Variants in TTF2 observed in about 807,000 individuals in gnomAD.
TTF2 encodes the protein RNA polymerase II termination factor.
TTF2 carries 108 observed loss-of-function variants against 142.4 expected under a neutral mutation model. The observed-to-expected ratio is 0.76, with a 90% CI of 0.65 to 0.89. The LOEUF is 0.89. TTF2 is among the 40% of genes least tolerant of loss of function. The probability of loss-of-function intolerance (pLI) is 0.00; values close to 1 mark genes in which losing one functional copy is unlikely to be tolerated. For synonymous variants in TTF2, 483 were observed against 506.2 expected (o/e 0.95, Z 0.61); for missense variants, 1,327 against 1,379.8 (o/e 0.96, Z 0.61).
At position 117,096,294 on chromosome 1, in the gene TTF2, C is replaced by T. The variant is rs1307850989; in HGVS notation, c.3181C>T (p.Pro1061Ser). ...LVEAFNHSRG[P>S]QVMLISLLAG... Reference sequence around the variant, plus strand: ...AGAGGCATTTAACCACTCCAGAGGCCCTCAGGTACAAGCTGGTCACATCAG... The same window carrying T: ...AGAGGCATTTAACCACTCCAGAGGCTCTCAGGTACAAGCTGGTCACATCAG... The change falls in exon 20 of 23, where the codon CCT (proline) becomes TCT (serine). Residue 1061 changes from proline to serine, a missense_variant. Physicochemically the swap from Pro to Ser is moderately conservative, Grantham distance 74. Transcript: ENST00000369466. 1 of 1,613,834 alleles carries T rather than the reference C, an allele frequency of 6.2e-7. No individual in the cohort carries two copies. The highest frequency in any genetic ancestry group is 2.2e-5 in the East Asian group (1 of 44,892).
intron 2 of TTF2, among the ~76,000 whole-genome samples, chr1:117,061,758 C>T (rs188981898): frequency 6.6e-6 from 1 of 152,304 alleles, no homozygotes; most frequent in East Asian, 1.9e-4. Flanking sequence ...CAAACTAGCA[C>T]AGTGGTATTT....
Position 117,087,946 on chromosome 1 carries a change from A to G in TTF2, c.2161-855A>G, listed in dbSNP as rs942080205. Among the ~76,000 whole-genome samples, 1 of 152,196 alleles carries G rather than the reference A, an allele frequency of 6.6e-6. No homozygotes were observed. Among genetic ancestry groups the G allele is most frequent in the African/African-American group, 2.4e-5 (1 of 41,456 alleles). ...ACTATGGGTCAGGTGCTGTTTCGTC[A>G]AGAGCAGCCAGATTCCCACTTCAGG... On this transcript the variant is annotated intron_variant, in intron 12 of 22. Coordinates refer to ENST00000369466, the MANE Select transcript of TTF2 (RefSeq NM_003594.4). This position sits in a 1 kb window ranked among gnomAD's most constrained non-coding sequence, Gnocchi z 4.8.
Position 117,092,542 on chromosome 1 carries a change from T to C in TTF2, c.2806-189T>C, listed in dbSNP as rs1648681904. 6.6e-6 allele frequency among the ~76,000 whole-genome samples: 1 copy of C among 152,254 alleles called. No individual in the cohort carries two copies. The highest frequency in any genetic ancestry group is 1.5e-5 in the Non-Finnish European group (1 of 68,040). ...CAAGTCTTTAAAAAGTTCCATCATTTGGTTTATCTTTAATGTGGTGAAAAA... is the reference window on the plus strand; with the variant it reads ...CAAGTCTTTAAAAAGTTCCATCATTCGGTTTATCTTTAATGTGGTGAAAAA... On this transcript the variant is annotated intron_variant, in intron 17 of 22. Transcript: ENST00000369466. This position sits in a 1 kb window ranked among gnomAD's most constrained non-coding sequence, Gnocchi z 4.4.
intron 17 of TTF2, 43 bp downstream of exon 17, chr1:117,091,993 G>T: frequency 6.5e-7 from 1 of 1,548,690 alleles, no homozygotes. Flanking sequence ...TGCTCCAGAG[G>T]GGCCACCTGA....
chr1:117,104,571 T>G lies in TTF2; in HGVS notation c.*3047T>G, dbSNP rs1424211870. 1.3e-5 allele frequency: 2 copies of G among 152,232 alleles called. No homozygotes were observed. Among genetic ancestry groups the G allele is most frequent in the African/African-American group, 4.8e-5 (2 of 41,454 alleles). The allele number at this position is 152,232 out of a possible 1,614,324, so 9.4% of individuals were successfully genotyped here. On this transcript the variant is annotated 3_prime_UTR_variant, in exon 23 of 23. Coordinates refer to ENST00000369466, the MANE Select transcript of TTF2 (RefSeq NM_003594.4). ...AAAACAGCTTTTCTAATTTCTCATG[T>G]TATTGTACATAAGCAAAGCAACCTA...
rs145988111 is a variant in TTF2 at position 117,092,887 on chromosome 1, C to A, written c.2962C>A (p.Arg988=). 5 of 1,614,036 alleles carry A rather than the reference C, an allele frequency of 3.1e-6. No individual in the cohort carries two copies. Among genetic ancestry groups the A allele is most frequent in the Non-Finnish European group, 4.2e-6 (5 of 1,180,034 alleles). ...CAAGATGGAGCTTTTTGAAGGCATG[C>A]GAGAGAGCACCAAGGTACTTTTTGT... ...FFKMELFEGM[R]ESTKISSLLA... Residue 988 remains arginine, a synonymous_variant, in exon 18 of 23, where the codon CGA becomes AGA. Transcript: ENST00000369466. The surrounding 1 kb of genome is among the most constrained non-coding windows in gnomAD (Gnocchi z 4.4).
chr1:117,097,800 A>G lies in TTF2; in HGVS notation c.3269+367A>G, dbSNP rs1256123535. Among the ~76,000 whole-genome samples the G allele has an allele frequency of 6.6e-6, 1 of 152,196 alleles. No homozygotes were observed. Among genetic ancestry groups the G allele is most frequent in the Non-Finnish European group, 1.5e-5 (1 of 68,026 alleles). On this transcript the variant is annotated intron_variant, in intron 21 of 22. Transcript: ENST00000369466. This position sits in a 1 kb window ranked among gnomAD's most constrained non-coding sequence, Gnocchi z 4.1. ...GACACACTTGTTGGGGTCCAAGGAA[A>G]TTTCAACCTTTGAAAAGAGGGAGAA...
intron 3 of TTF2, among the ~76,000 whole-genome samples, chr1:117,068,543 T>C (rs1405489444): frequency 1.7e-5 from 2 of 114,634 alleles, no homozygotes; most frequent in Non-Finnish European, 3.9e-5. Context: ...TAAAGTGTAA[T>C]AAAAAAAAAA....
At position 117,097,011 on chromosome 1, in the gene TTF2, G is replaced by A. The variant is rs1649212405; in HGVS notation, c.3187-340G>A. Among the ~76,000 whole-genome samples, 1 of 152,080 alleles carries A rather than the reference G, an allele frequency of 6.6e-6. No individual in the cohort carries two copies. The highest frequency in any genetic ancestry group is 6.5e-5 in the Admixed American group (1 of 15,268). On this transcript the variant is annotated intron_variant, in intron 20 of 22. Transcript: ENST00000369466. This position sits in a 1 kb window ranked among gnomAD's most constrained non-coding sequence, Gnocchi z 4.1. ...AGGAGAATTATTGTAGCAATGGAGG[G>A]GTAGGGACTGATGAAATAAACATAA...
In TTF2 at chr1:117,078,031, C is replaced by T. The variant is rs777393770; in HGVS notation, c.1689C>T (p.Pro563=). Residue 563 remains proline (P), a synonymous_variant, in exon 8 of 23, where the codon CCC becomes CCT. Coordinates refer to ENST00000369466, the MANE Select transcript of TTF2 (RefSeq NM_003594.4). ...GTGAGACGGTTGTGGCAGAAGATCCCGCCGGGCTGAAGGTGAGCCAGGGAA... is the reference window on the plus strand; with the variant it reads ...GTGAGACGGTTGTGGCAGAAGATCCTGCCGGGCTGAAGGTGAGCCAGGGAA... ...CPGETVVAED[P]AGLKVPLLLH... 1.2e-4 allele frequency: 186 copies of T among 1,613,880 alleles called. No homozygotes were observed. The highest frequency in any genetic ancestry group is 3.4e-4 in the South Asian group (31 of 91,054).
chr1:117,069,720 G>A (rs1656431440), intron 3 of TTF2, among the ~76,000 whole-genome samples: 1 of 152,218 alleles, frequency 6.6e-6, no homozygotes. Flanking sequence ...TTTGAACCAA[G>A]GGAGAATAGT....
At chr1:117,082,270 G>A (rs977346841) in intron 10 of TTF2, among the ~76,000 whole-genome samples, 3 of 152,178 alleles carry the variant, frequency 2.0e-5, no homozygotes, top group Admixed American at 1.3e-4. Flanking sequence ...CTGGAGTGCA[G>A]TGCATGAACA....
At chr1:117,067,620 A>G (rs1030160918) in intron 3 of TTF2, among the ~76,000 whole-genome samples, 2 of 152,112 alleles carry the variant, frequency 1.3e-5, no homozygotes, top group African/African-American at 4.8e-5. Flanking sequence ...TAACAACAGA[A>G]AACCAGGTAC....
Position 117,060,475 on chromosome 1 carries a change from A to ACCGGCGTCCGCGATGGC in TTF2, c.53_69dup (p.Asn24AlafsTer41). On this transcript the variant is annotated frameshift_variant, in exon 2 of 23. Transcript: ENST00000369466. LOFTEE classifies it high-confidence loss of function. ...TTCAGGGACTTTCTGCTTTCTTAAG[A>ACCGGCGTCCGCGATGGC]CCGGCGTCCGCGATGGCCCGAATAA... 1 of 1,613,790 alleles carries ACCGGCGTCCGCGATGGC rather than the reference A, an allele frequency of 6.2e-7. No individual in the cohort carries two copies. Among genetic ancestry groups the ACCGGCGTCCGCGATGGC allele is most frequent in the Non-Finnish European group, 8.5e-7 (1 of 1,179,798 alleles).
At chr1:117,096,579 T>C (rs1396712193) in intron 20 of TTF2, among the ~76,000 whole-genome samples, 3 of 152,220 alleles carry the variant, frequency 2.0e-5, no homozygotes, top group African/African-American at 7.2e-5. Flanking sequence ...GGTTTCACCA[T>C]GTTGGCCAGG....
rs768847302 is a variant in TTF2 at position 117,073,677 on chromosome 1, A to G, written c.235A>G (p.Ile79Val). ...CTTCATTAGATTGTTCTTCCGATGC[A>G]TTAGAAGTAAGGCAGAGGGGAAACG... ...KKEYRLFFRC[I>V]RSKAEGKRWC... The change falls in exon 4 of 23, where the codon ATT becomes GTT. Residue 79 changes from isoleucine (I) to valine (V), a missense_variant. Transcript: ENST00000369466. This position sits in a 1 kb window ranked among gnomAD's most constrained non-coding sequence, Gnocchi z 4.4. 9.9e-6 allele frequency: 16 copies of G among 1,611,202 alleles called. No individual in the cohort carries two copies. Among genetic ancestry groups the G allele is most frequent in the Non-Finnish European group, 1.4e-5 (16 of 1,178,032 alleles).
At chr1:117,069,554 G>A in intron 3 of TTF2, among the ~76,000 whole-genome samples, 1 of 152,238 alleles carries the variant, frequency 6.6e-6, no homozygotes, top group African/African-American at 2.4e-5. Context: ...ACCTTGGTAT[G>A]TATCAGGCTT....
intron 20 of TTF2, among the ~76,000 whole-genome samples, chr1:117,096,981 TAGGC>T (rs1340269254): frequency 1.3e-5 from 2 of 152,186 alleles, no homozygotes; most frequent in Non-Finnish European, 2.9e-5. Flanking sequence ...AGTAGAATGA[TAGGC>T]AGGAGAATTA....
rs912156290 is a variant in TTF2, at chr1:117,070,660, T to C, written c.219-3001T>C. 1.3e-5 allele frequency among the ~76,000 whole-genome samples: 2 copies of C among 152,378 alleles called. No homozygotes were observed. The highest frequency in any genetic ancestry group is 1.3e-4 in the Admixed American group (2 of 15,304). On this transcript the variant is annotated intron_variant, in intron 3 of 22. Coordinates refer to ENST00000369466, the MANE Select transcript of TTF2 (RefSeq NM_003594.4). This position sits in a 1 kb window ranked among gnomAD's most constrained non-coding sequence, Gnocchi z 4.2. ...TGATGGCAGCTGTTACTTTGAATTT[T>C]ATGCATTCAAAGCATTTCAGAAATT...
Sources: gnomAD v4.1 joint callset for allele counts (sites outside exome capture counted in the v4.1 genomes callset) on GRCh38, gnomAD v4.1.1 for gene constraint, Gnocchi (gnomAD v3.1) non-coding constraint, MANE v1.5 for transcripts, NCBI Gene and HGNC (gene_info 2026-07-23, HGNC 2026-07-21) for gene names.